ZSCAN21: variants seen among roughly 807,000 people sequenced by gnomAD.
ZSCAN21 encodes the protein zinc finger and SCAN domain containing 21.
A neutral mutation model predicts 35.6 loss-of-function variants in ZSCAN21; 26 were observed. The ratio of observed to expected loss-of-function variants is 0.73; its 90% confidence interval spans 0.54 to 1.01. The LOEUF is 1.01. Ranked by LOEUF, ZSCAN21 falls within the 50% of genes least tolerant of loss-of-function variation. The pLI is 0.00. For synonymous variants in ZSCAN21, 219 were observed against 219.3 expected, an observed-to-expected ratio of 1.00 and a Z score of 0.01; for missense variants, 593 against 587.1, an observed-to-expected ratio of 1.01 and a Z score of -0.10.
In ZSCAN21 at chr7:100,063,817, T is replaced by G; in HGVS notation, c.622T>G (p.Ser208Ala). 1 of 1,611,768 alleles carries G rather than the reference T, an allele frequency of 6.2e-7. No homozygotes were observed. Among genetic ancestry groups the G allele is most frequent in the Non-Finnish European group, 8.5e-7 (1 of 1,179,262 alleles). ...DCRLSTQHEE[S>A]ADEQKGSEAE... ...CAGATTGAGTACCCAGCACGAGGAA[T>G]CAGCAGATGAGCAGAAAGGTTCTGA... The change falls in exon 4 of 4, where the codon TCA (serine) becomes GCA (alanine). Residue 208 changes from serine to alanine, a missense_variant. By Grantham distance (99) the Ser-to-Ala change is moderately conservative (BLOSUM62 1). Coordinates refer to ENST00000292450, the MANE Select transcript of ZSCAN21 (RefSeq NM_145914.3).
chr7:100,056,845 G>T (rs778443582), intron 1 of ZSCAN21, 66 bp from the exon 2 acceptor site: 1 of 678,626 alleles, frequency 1.5e-6, no homozygotes, highest in Non-Finnish European at 2.5e-6. Context: ...TGTGTTAAAG[G>T]TATGGCTGTA....
chr7:100,053,390 C>G (rs993291213), intron 1 of ZSCAN21, among the ~76,000 whole-genome samples: 3 of 151,876 alleles, frequency 2.0e-5, no homozygotes, highest in African/African-American at 7.3e-5. Context: ...CCTTGTTTCC[C>G]AGGCCAGATC....
At chr7:100,056,151 G>C (rs1424241592) in intron 1 of ZSCAN21, among the ~76,000 whole-genome samples, 1 of 151,238 alleles carries the variant, frequency 6.6e-6, no homozygotes, top group East Asian at 2.0e-4. Flanking sequence ...GTGTTAGCCA[G>C]GATGGTCTCG....
Position 100,060,384 on chromosome 7 carries a change from A to G in ZSCAN21, c.592+2494A>G, listed in dbSNP as rs532680908. Among the ~76,000 whole-genome samples, 4 of 152,298 alleles carry G rather than the reference A, an allele frequency of 2.6e-5. No individual in the cohort carries two copies. In the South Asian group the frequency reaches 8.3e-4, roughly 32 times the overall value. ...GGAGACCATCCTGGTCAACATGGTG[A>G]AACCCCATCTCTACTAAAAATACAA... On this transcript the variant is annotated intron_variant, in intron 3 of 3. Transcript: ENST00000292450.
intron 1 of ZSCAN21, among the ~76,000 whole-genome samples, chr7:100,053,125 CAAA>C (rs1026582023): frequency 7.9e-5 from 6 of 75,746 alleles, no homozygotes; most frequent in Non-Finnish European, 5.4e-5. Flanking sequence ...GACTCCATCT[CAAA>C]AAAAAAAAAA....
chr7:100,056,428 C>T (rs1429664984), intron 1 of ZSCAN21, among the ~76,000 whole-genome samples: 2 of 152,088 alleles, frequency 1.3e-5, no homozygotes, highest in Admixed American at 1.3e-4. Flanking sequence ...GTGGAGACCA[C>T]TGAAATCAAA....
rs1022759755 is a variant in ZSCAN21 at position 100,057,822 on chromosome 7, G to T, written c.524G>T (p.Trp175Leu). 2.2e-5 allele frequency: 35 copies of T among 1,613,896 alleles called. No homozygotes were observed. The highest frequency in any genetic ancestry group is 2.9e-5 in the Non-Finnish European group (34 of 1,179,984). ...GAGACCAGTCACAAATACGAGTCTT[G>T]GGGGCCCCTGTACATCCAAGAGTCT... ...PLETSHKYES[W>L]GPLYIQESGE... The change falls in exon 3 of 4, where the codon TGG becomes TTG. Residue 175 changes from tryptophan (W) to leucine (L), a missense_variant. Transcript: ENST00000292450.
At position 100,064,689 on chromosome 7, in the gene ZSCAN21, T is replaced by G. The variant is rs746461567; in HGVS notation, c.*72T>G. The stretch of plus-strand genomic sequence containing the variant: ...GAAAACCAGAAAGAAGTCTTGTCAT[T>G]GCAGCAGCATCGATTCCGGTGATAG... On this transcript the variant is annotated 3_prime_UTR_variant, in exon 4 of 4. Coordinates refer to ENST00000292450, the MANE Select transcript of ZSCAN21 (RefSeq NM_145914.3). 5.0e-6 allele frequency: 8 copies of G among 1,606,012 alleles called. No individual in the cohort carries two copies. In the East Asian group the frequency reaches 1.8e-4, roughly 36 times the overall value.
At chr7:100,053,249 CAT>C (rs1230382377) in intron 1 of ZSCAN21, among the ~76,000 whole-genome samples, 13 of 152,000 alleles carry the variant, frequency 8.6e-5, no homozygotes, top group African/African-American at 2.7e-4. Flanking sequence ...CAGAGGCAAT[CAT>C]GTGATCCAGT....
intron 3 of ZSCAN21, among the ~76,000 whole-genome samples, chr7:100,059,205 G>C (rs1320429456): frequency 1.3e-5 from 2 of 152,124 alleles, no homozygotes; most frequent in African/African-American, 4.8e-5. Flanking sequence ...ACAGAGTTTC[G>C]AGCCGGTTAA....
At chr7:100,063,718 C>A in intron 3 of ZSCAN21, 70 bp from the exon 4 acceptor site, 1 of 1,450,246 alleles carries the variant, frequency 6.9e-7, no homozygotes, top group Non-Finnish European at 9.3e-7. Context: ...ATGGTTCTAT[C>A]TCTCTGGTAA....
At chr7:100,056,279 A>G (rs987439062) in intron 1 of ZSCAN21, among the ~76,000 whole-genome samples, 1 of 152,100 alleles carries the variant, frequency 6.6e-6, no homozygotes, top group Non-Finnish European at 1.5e-5. Flanking sequence ...TAAATGTCTT[A>G]GGTTTAAACA....
intron 1 of ZSCAN21, chr7:100,051,425 C>G (rs1298217571): frequency 6.7e-6 from 1 of 149,126 alleles, no homozygotes; most frequent in East Asian, 2.0e-4. Context: ...TCCCAAGTAG[C>G]TGGGACTACA....
rs1303232731 is a variant in ZSCAN21, at chr7:100,064,111, G to A, written c.916G>A (p.Val306Met). 2.0e-5 allele frequency: 33 copies of A among 1,613,418 alleles called. No individual in the cohort carries two copies. The highest frequency in any genetic ancestry group is 5.4e-5 in the African/African-American group (4 of 74,658). The change falls in exon 4 of 4, where the codon GTG (valine) becomes ATG (methionine). Residue 306 changes from valine (V) to methionine (M), a missense_variant. Physicochemically the swap from Val to Met is conservative, Grantham distance 21 (BLOSUM62 1). Transcript: ENST00000292450. Reference sequence around the variant, plus strand: ...AACACACACTGGGGAGAAACCTTACGTGTGCACCAAGTGTGGGAAAGCTTT... The same window carrying A: ...AACACACACTGGGGAGAAACCTTACATGTGCACCAAGTGTGGGAAAGCTTT... Reference protein sequence around the residue: ...RRTHTGEKPYVCTKCGKAFSH... With the variant: ...RRTHTGEKPYMCTKCGKAFSH...
intron 1 of ZSCAN21, among the ~76,000 whole-genome samples, chr7:100,050,593 G>A (rs1022369772): frequency 6.6e-6 from 1 of 152,096 alleles, no homozygotes; most frequent in Non-Finnish European, 1.5e-5. Flanking sequence ...AGCTACTCAG[G>A]AGGCTGAGGC....
At chr7:100,050,712 C>T (rs561656943) in intron 1 of ZSCAN21, among the ~76,000 whole-genome samples, 1 of 151,668 alleles carries the variant, frequency 6.6e-6, no homozygotes, top group African/African-American at 2.4e-5. Context: ...AAAAAAAGAA[C>T]GTTGATTTGA....
chr7:100,058,400 C>T (rs913576382), intron 3 of ZSCAN21, among the ~76,000 whole-genome samples: 1 of 152,168 alleles, frequency 6.6e-6, no homozygotes, highest in Non-Finnish European at 1.5e-5. Flanking sequence ...CCCAACTGCA[C>T]CCTCCTCCTG....
At chr7:100,051,439 G>C (rs1463033572) in intron 1 of ZSCAN21, 1 of 150,274 alleles carries the variant, frequency 6.7e-6, no homozygotes, top group Non-Finnish European at 1.5e-5. Context: ...GACTACAGGC[G>C]CCCGCCACAA....
At chr7:100,057,585 A>G (rs2116106703) in intron 2 of ZSCAN21, 113 bp from the exon 3 acceptor site, 1 of 1,339,396 alleles carries the variant, frequency 7.5e-7, no homozygotes, top group East Asian at 2.3e-5. Flanking sequence ...ATGGAATGGG[A>G]TGGGTGTTTT....
Sources: gnomAD v4.1 joint callset for allele counts (sites outside exome capture counted in the v4.1 genomes callset) on GRCh38, gnomAD v4.1.1 for gene constraint, MANE v1.5 for transcripts, NCBI Gene and HGNC (gene_info 2026-07-23, HGNC 2026-07-21) for gene names.